NAALADL2: variants seen among roughly 807,000 people sequenced by gnomAD.
NAALADL2 encodes N-acetylated alpha-linked acidic dipeptidase like 2.
In NAALADL2, 76 loss-of-function variants were observed where a neutral mutation model predicts 87.2. That is an observed-to-expected ratio of 0.87 (90% CI 0.72 to 1.05). NAALADL2 has a LOEUF of 1.05. NAALADL2 is among the 50% of genes least tolerant of loss of function. The probability of loss-of-function intolerance (pLI) is 0.00; values close to 1 mark genes in which losing one functional copy is unlikely to be tolerated. For synonymous variants in NAALADL2, 354 were observed against 331.0 expected, an observed-to-expected ratio of 1.07 and a Z score of -0.75; for missense variants, 1,089 against 945.8, an observed-to-expected ratio of 1.15 and a Z score of -1.99.
chr3:175,611,912 T>C (rs1159781463), intron 10 of NAALADL2, among the ~76,000 whole-genome samples: 3 of 152,156 alleles, frequency 2.0e-5, no homozygotes, highest in Non-Finnish European at 2.9e-5. Context: ...CTTTAGTGAA[T>C]TGCAGAATTA....
intron 2 of NAALADL2, among the ~76,000 whole-genome samples, chr3:175,147,454 C>T (rs959025429): frequency 2.6e-5 from 4 of 152,094 alleles, no homozygotes; most frequent in Non-Finnish European, 4.4e-5. Context: ...TATTCCATGA[C>T]ATATTATGTA....
chr3:175,752,310 A>G (rs1746712348), intron 12 of NAALADL2, among the ~76,000 whole-genome samples: 1 of 152,144 alleles, frequency 6.6e-6, no homozygotes, highest in African/African-American at 2.4e-5. Flanking sequence ...ATTAAATGGT[A>G]CAACTGGCAC....
At chr3:174,543,529 C>T (rs1722448970) in intron 1 of NAALADL2, among the ~76,000 whole-genome samples, 1 of 151,948 alleles carries the variant, frequency 6.6e-6, no homozygotes, top group African/African-American at 2.4e-5. Flanking sequence ...TAGTCTATGT[C>T]GTTTCTTTTT....
At chr3:175,512,660 A>G (rs956648094) in intron 9 of NAALADL2, among the ~76,000 whole-genome samples, 2 of 152,184 alleles carry the variant, frequency 1.3e-5, no homozygotes, top group African/African-American at 2.4e-5. Context: ...CAATGTGGTG[A>G]AAAATGTTCT....
intron 2 of NAALADL2, among the ~76,000 whole-genome samples, chr3:175,165,280 A>G (rs1210553618): frequency 6.6e-6 from 1 of 152,116 alleles, no homozygotes; most frequent in Non-Finnish European, 1.5e-5. Flanking sequence ...ACTTCTTGAG[A>G]GCAGATTTTT....
At chr3:175,562,338 A>G (rs990457997) in intron 9 of NAALADL2, among the ~76,000 whole-genome samples, 3 of 152,178 alleles carry the variant, frequency 2.0e-5, no homozygotes, top group African/African-American at 7.2e-5. Flanking sequence ...GTGAACTGCA[A>G]TAAGTATTTA....
chr3:175,651,098 T>C (rs1730698133), intron 11 of NAALADL2, among the ~76,000 whole-genome samples: 1 of 152,204 alleles, frequency 6.6e-6, no homozygotes, highest in Non-Finnish European at 1.5e-5. Context: ...AAGTGTTTTC[T>C]TTTTTAATCC....
rs538889478 is a variant in NAALADL2, at chr3:175,076,184, C to T, written c.44-20606C>T. On this transcript the variant is annotated intron_variant, in intron 1 of 13. Coordinates refer to ENST00000454872, the MANE Select transcript of NAALADL2 (RefSeq NM_207015.3). Reference sequence around the variant, plus strand: ...TGGAAGTTGCAATGAGCTGAGATTGCGCCACTGCACTCCATCCCAGGTGAC... The same window carrying T: ...TGGAAGTTGCAATGAGCTGAGATTGTGCCACTGCACTCCATCCCAGGTGAC... Among the ~76,000 whole-genome samples the T allele has an allele frequency of 1.3e-4, 20 of 152,170 alleles. No individual in the cohort carries two copies. In the South Asian group the frequency reaches 4.2e-3, roughly 32 times the overall value.
chr3:174,470,627 C>G (rs1716838190), intron 1 of NAALADL2, among the ~76,000 whole-genome samples: 1 of 152,098 alleles, frequency 6.6e-6, no homozygotes, highest in Non-Finnish European at 1.5e-5. Flanking sequence ...ATTTAAGTCT[C>G]TAATCCTTCC....
intron 3 of NAALADL2, among the ~76,000 whole-genome samples, chr3:174,758,819 A>G (rs1324742595): frequency 6.6e-6 from 1 of 152,224 alleles, no homozygotes; most frequent in Admixed American, 6.5e-5. Flanking sequence ...TTGGATCATG[A>G]GAAAGCACAT....
chr3:174,856,958 T>C (rs1725922401), upstream of NAALADL2, among the ~76,000 whole-genome samples: 1 of 152,122 alleles, frequency 6.6e-6, no homozygotes. Context: ...GGTTTGGTAC[T>C]ATATGTGGTT....
intron 12 of NAALADL2, among the ~76,000 whole-genome samples, chr3:175,748,948 A>G (rs986540190): frequency 5.9e-5 from 9 of 151,438 alleles, no homozygotes; most frequent in African/African-American, 2.2e-4. Flanking sequence ...CTGAAAGAAA[A>G]CTTTAAAAAT....
Position 175,803,432 on chromosome 3 carries a change from G to T in NAALADL2, c.*229G>T. The T allele has an allele frequency of 3.1e-6, 1 of 321,102 alleles. No homozygotes were observed. Among genetic ancestry groups the T allele is most frequent in the Admixed American group, 4.5e-5 (1 of 21,994 alleles). 19.9% of individuals were successfully genotyped at this position (321,102 alleles called of 1,614,324 possible). A position where few individuals can be genotyped will look rare whatever the true frequency, so the allele number is the denominator to read the frequency against. On this transcript the variant is annotated 3_prime_UTR_variant, in exon 14 of 14. Coordinates refer to ENST00000454872, the MANE Select transcript of NAALADL2 (RefSeq NM_207015.3). Reference sequence around the variant, plus strand: ...ATATGTAAAGCAAGTTATTGAAATAGGACTTAAGAATTACCTATTAAAAAG... The same window carrying T: ...ATATGTAAAGCAAGTTATTGAAATATGACTTAAGAATTACCTATTAAAAAG...
intron 1 of NAALADL2, among the ~76,000 whole-genome samples, chr3:174,871,632 C>T (rs1727825369): frequency 6.6e-6 from 1 of 152,220 alleles, no homozygotes. Flanking sequence ...GGCACAGTGG[C>T]TCACAGCTGT....
At chr3:174,875,873 A>G (rs1448386095) in intron 1 of NAALADL2, among the ~76,000 whole-genome samples, 1 of 152,130 alleles carries the variant, frequency 6.6e-6, no homozygotes, top group African/African-American at 2.4e-5. Context: ...TGAGAGTGAT[A>G]AATGCTTAGG....
intron 5 of NAALADL2, among the ~76,000 whole-genome samples, chr3:175,326,280 G>A (rs1348263269): frequency 6.6e-6 from 1 of 152,086 alleles, no homozygotes; most frequent in African/African-American, 2.4e-5. Context: ...TATCAGAATG[G>A]CCTTTACTGT....
At chr3:174,638,951 C>T (rs983189921) in intron 2 of NAALADL2, among the ~76,000 whole-genome samples, 1 of 152,206 alleles carries the variant, frequency 6.6e-6, no homozygotes, top group African/African-American at 2.4e-5. Context: ...TCTGCTCCAA[C>T]ACAAGCATGT....
At chr3:175,603,133 A>C (rs921383970) in intron 10 of NAALADL2, among the ~76,000 whole-genome samples, 4 of 152,174 alleles carry the variant, frequency 2.6e-5, no homozygotes, top group Admixed American at 2.0e-4. Flanking sequence ...TCTACTGCTC[A>C]TATTCTAGTT....
At chr3:174,683,748 A>G (rs1727779698) in intron 2 of NAALADL2, among the ~76,000 whole-genome samples, 1 of 151,904 alleles carries the variant, frequency 6.6e-6, no homozygotes, top group Non-Finnish European at 1.5e-5. Context: ...AAGAAAATAA[A>G]TAACTTTTAC....
Sources: allele counts gnomAD v4.1 joint callset (sites outside exome capture counted in the v4.1 genomes callset), GRCh38; gene constraint gnomAD v4.1.1; transcripts MANE v1.5; gene names NCBI Gene and HGNC (gene_info 2026-07-23, HGNC 2026-07-21).